The following ANKRD44 variants were observed in gnomAD, a reference collection of about 807,000 sequenced individuals.
ANKRD44 encodes the protein serine/threonine-protein phosphatase 6 regulatory ankyrin repeat subunit B.
In ANKRD44, 35 loss-of-function variants were observed where a neutral mutation model predicts 116.0. That is an observed-to-expected ratio of 0.30 (90% CI 0.23 to 0.40). The LOEUF is 0.40. Ranked by LOEUF, ANKRD44 falls within the 10% of genes least tolerant of loss-of-function variation. The pLI is 1.00. For missense variants in ANKRD44, 1,014 were observed against 1,242.6 expected, an observed-to-expected ratio of 0.82 and a Z score of 2.77; for synonymous variants, 435 against 461.8, an observed-to-expected ratio of 0.94 and a Z score of 0.74.
intron 9 of ANKRD44, among the ~76,000 whole-genome samples, chr2:197,107,984 A>G (rs1292078898): frequency 6.6e-6 from 1 of 152,274 alleles, no homozygotes; most frequent in East Asian, 1.9e-4. Context: ...GTCAGTTGAG[A>G]TAAGAGAATA....
chr2:197,005,624 C>T (rs2125907997), intron 21 of ANKRD44, 70 bp downstream of exon 21: 1 of 1,376,220 alleles, frequency 7.3e-7, no homozygotes, highest in Non-Finnish European at 1.0e-6. Context: ...AAGGCTCTCA[C>T]CTCCACTGAG....
chr2:197,061,152 G>A (rs1574375201), intron 16 of ANKRD44, among the ~76,000 whole-genome samples: 1 of 152,176 alleles, frequency 6.6e-6, no homozygotes, highest in African/African-American at 2.4e-5. Flanking sequence ...TGACAGATTA[G>A]ACAAGCTATG....
Position 197,203,798 on chromosome 2 carries a change from G to A in ANKRD44, c.28-16692C>T, listed in dbSNP as rs150880680. Among the ~76,000 whole-genome samples the A allele has an allele frequency of 6.6e-5, 10 of 152,270 alleles. No individual in the cohort carries two copies. Among genetic ancestry groups the A allele is most frequent in the East Asian group, 1.9e-4 (1 of 5,194 alleles). On this transcript the variant is annotated intron_variant, in intron 1 of 27. Coordinates refer to ENST00000282272, the MANE Select transcript of ANKRD44 (RefSeq NM_001195144.2). This position sits in a 1 kb window ranked among gnomAD's most constrained non-coding sequence, Gnocchi z 4.1. ...TTACTCAGCCATGAAAAGGAACAGC[G>A]TATAATGATAGATGCTACAACATGG...
intron 19 of ANKRD44, among the ~76,000 whole-genome samples, chr2:197,008,705 A>C (rs1009892605): frequency 1.3e-5 from 2 of 152,220 alleles, no homozygotes; most frequent in Non-Finnish European, 2.9e-5. Context: ...GCCGGGAAAC[A>C]TGGCCACAGC....
rs2076189090 is a variant in ANKRD44, at chr2:197,005,711, T to C, written c.2330A>G (p.His777Arg). ...FKDNQGYTPL[H>R]WACYNGNENC... The stretch of plus-strand genomic sequence containing the variant: ...CAACTCACCATTGTAACAAGCCCAG[T>C]GCAGCGGCGTGTAGCCTTGGTTATC... The change falls in exon 21 of 28, where the codon CAC becomes CGC. Residue 777 changes from histidine (H) to arginine (R), a missense_variant. Physicochemically the swap from His to Arg is conservative, Grantham distance 29. Coordinates refer to ENST00000282272, the MANE Select transcript of ANKRD44 (RefSeq NM_001195144.2). The C allele has an allele frequency of 2.5e-6, 4 of 1,614,212 alleles. No homozygotes were observed. Among genetic ancestry groups the C allele is most frequent in the Non-Finnish European group, 2.5e-6 (3 of 1,180,018 alleles).
intron 2 of ANKRD44, among the ~76,000 whole-genome samples, chr2:197,177,408 C>G (rs1296038520): frequency 6.6e-6 from 1 of 152,158 alleles, no homozygotes; most frequent in East Asian, 1.9e-4. Flanking sequence ...GAGAAGAGCC[C>G]TTGCAATATG....
chr2:197,031,186 A>G (rs1216500359), intron 16 of ANKRD44, among the ~76,000 whole-genome samples: 3 of 151,810 alleles, frequency 2.0e-5, no homozygotes, highest in Non-Finnish European at 4.4e-5. Flanking sequence ...TTTATAAAGC[A>G]GTATTGACAT....
chr2:197,249,748 T>C (rs1301636281), intron 1 of ANKRD44, among the ~76,000 whole-genome samples: 2 of 152,238 alleles, frequency 1.3e-5, no homozygotes, highest in Admixed American at 6.5e-5. Flanking sequence ...ATCATGTTGA[T>C]AATTAAAGCA....
In ANKRD44 at chr2:197,299,657, A is replaced by G. The variant is rs2083836574; in HGVS notation, c.27+10921T>C. On this transcript the variant is annotated intron_variant, in intron 1 of 27. Transcript: ENST00000282272. ...GAAGACACGAAGGCATAAGAATGAT[A>G]TAATGAGCTTTGGGGAATCAGGGAA... The G allele has an allele frequency of 2.0e-5, 3 of 152,276 alleles. No individual in the cohort carries two copies. In the South Asian group the frequency reaches 6.2e-4, roughly 31 times the overall value. The allele number at this position is 152,276 out of a possible 1,614,324, so 9.4% of individuals were successfully genotyped here.
chr2:197,058,922 T>G (rs927004581), intron 16 of ANKRD44, among the ~76,000 whole-genome samples: 1 of 152,182 alleles, frequency 6.6e-6, no homozygotes, highest in Non-Finnish European at 1.5e-5. Flanking sequence ...GCATATACAG[T>G]TCTTGCACAT....
chr2:197,078,304 C>T, intron 16 of ANKRD44: 1 of 191,350 alleles, frequency 5.2e-6, no homozygotes, highest in Non-Finnish European at 1.1e-5. Context: ...CACACACACA[C>T]ACACACACAC....
chr2:197,001,934 T>C, intron 21 of ANKRD44, 94 bp from the exon 22 acceptor site: 1 of 797,520 alleles, frequency 1.3e-6, no homozygotes, highest in South Asian at 1.6e-5. Context: ...TTTTGGTTTA[T>C]GAATTTTCCT....
chr2:197,303,598 A>G (rs896658408), intron 1 of ANKRD44, among the ~76,000 whole-genome samples: 26 of 152,178 alleles, frequency 1.7e-4, no homozygotes, highest in African/African-American at 6.0e-4. Flanking sequence ...CTTAGGGGAA[A>G]ATGGTCTTCT....
At chr2:197,011,998 A>C (rs981381864) in intron 18 of ANKRD44, among the ~76,000 whole-genome samples, 6 of 152,178 alleles carry the variant, frequency 3.9e-5, no homozygotes, top group Admixed American at 1.3e-4. Flanking sequence ...CACTCCAACT[A>C]TCTGTGCCAA....
chr2:197,250,219 T>C (rs2105653435), intron 1 of ANKRD44, among the ~76,000 whole-genome samples: 1 of 152,266 alleles, frequency 6.6e-6, no homozygotes, highest in Non-Finnish European at 1.5e-5. Context: ...AGCCATCTCC[T>C]TGTGATTGCA....
intron 16 of ANKRD44, among the ~76,000 whole-genome samples, chr2:197,070,518 T>C (rs192781141): frequency 6.6e-6 from 1 of 152,306 alleles, no homozygotes; most frequent in African/African-American, 2.4e-5. Flanking sequence ...ATTTTTCTTC[T>C]TTAGCCTGTT....
intron 2 of ANKRD44, among the ~76,000 whole-genome samples, chr2:197,155,595 T>C (rs2079789158): frequency 1.3e-5 from 2 of 152,212 alleles, no homozygotes; most frequent in African/African-American, 4.8e-5. Context: ...AGAATAGCCT[T>C]GTCAACAAAT....
At position 197,136,620 on chromosome 2, in the gene ANKRD44, A is replaced by G. The variant is rs1298744000; in HGVS notation, c.233T>C (p.Leu78Pro). Residue 78 changes from leucine (L) to proline (P), a missense_variant, in exon 4 of 28, where the codon CTG becomes CCG. Physicochemically the swap from Leu to Pro is moderately conservative, Grantham distance 98. Transcript: ENST00000282272. ...ACTTCTGGAAGCAACAGCCCGGTGC[A>G]GTGGAGTCAGCCACATGTTGTCCTT... is the stretch of plus-strand genomic sequence containing the variant. Reference protein sequence around the residue: ...NAKDNMWLTPLHRAVASRSEE... With the variant: ...NAKDNMWLTPPHRAVASRSEE... The G allele has an allele frequency of 1.2e-6, 2 of 1,614,094 alleles. No homozygotes were observed. Among genetic ancestry groups the G allele is most frequent in the Admixed American group, 3.3e-5 (2 of 60,012 alleles).
chr2:197,047,080 G>A (rs1057488078), intron 16 of ANKRD44, among the ~76,000 whole-genome samples: 26 of 151,548 alleles, frequency 1.7e-4, no homozygotes, highest in African/African-American at 4.9e-4. Context: ...GTGCAATGGC[G>A]CAATCTCGGC....
Sources: allele counts gnomAD v4.1 joint callset (sites outside exome capture counted in the v4.1 genomes callset), GRCh38; gene constraint gnomAD v4.1.1; non-coding constraint Gnocchi (gnomAD v3.1); transcripts MANE v1.5; gene names NCBI Gene and HGNC (gene_info 2026-07-23, HGNC 2026-07-21).